Variants in TLK1 observed in about 807,000 individuals in gnomAD.
The protein encoded by TLK1 is serine/threonine-protein kinase tousled-like 1.
In TLK1, 24 loss-of-function variants were observed where a neutral mutation model predicts 105.3. The ratio of observed to expected loss-of-function variants is 0.23; its 90% CI spans 0.17 to 0.32. The LOEUF (loss-of-function observed/expected upper bound fraction) is 0.32, where lower values mean the gene tolerates loss of function less well. TLK1 is among the 10% of genes least tolerant of loss of function. The pLI is 1.00. For missense variants in TLK1, 558 were observed against 910.5 expected (o/e 0.61, Z 4.98); for synonymous variants, 321 against 310.4 (o/e 1.03, Z -0.36).
At chr2:171,161,936 A>G (rs1692512611), upstream of TLK1, among the ~76,000 whole-genome samples, 1 of 152,220 alleles carries the variant, frequency 6.6e-6, no homozygotes, top group Admixed American at 6.5e-5. Context: ...ATAGAGCACT[A>G]AAAAGATTAT....
At chr2:171,209,604 C>T (rs1693574249) in intron 1 of TLK1, among the ~76,000 whole-genome samples, 1 of 152,036 alleles carries the variant, frequency 6.6e-6, no homozygotes, top group Non-Finnish European at 1.5e-5. Context: ...GTCCTAATTC[C>T]CATATCTCAT....
chr2:170,996,322 T>C (rs1293796127), intron 20 of TLK1, among the ~76,000 whole-genome samples: 3 of 152,220 alleles, frequency 2.0e-5, no homozygotes, highest in African/African-American at 7.2e-5. Flanking sequence ...TAATATTTCT[T>C]ATATACTTAT....
intron 1 of TLK1, among the ~76,000 whole-genome samples, chr2:171,192,994 T>C (rs1036658730): frequency 6.6e-6 from 1 of 152,236 alleles, no homozygotes; most frequent in Admixed American, 6.5e-5. Flanking sequence ...TTTTAGTTTT[T>C]AGTTACAGAA....
intron 13 of TLK1, 88 bp from the exon 14 acceptor site, chr2:171,011,542 C>T: frequency 9.5e-7 from 1 of 1,055,788 alleles, no homozygotes. Context: ...TATTCTATTC[C>T]TAGCTATTTA....
chr2:171,176,235 C>G (rs796397400), intron 1 of TLK1, among the ~76,000 whole-genome samples: 3 of 152,216 alleles, frequency 2.0e-5, no homozygotes, highest in Admixed American at 6.5e-5. Flanking sequence ...CCACTGTGCC[C>G]GGCCGGGATA....
At chr2:171,225,696 A>AT (rs1693885345) in intron 1 of TLK1, among the ~76,000 whole-genome samples, 1 of 152,220 alleles carries the variant, frequency 6.6e-6, no homozygotes, top group Non-Finnish European at 1.5e-5. Flanking sequence ...ATGTTCATAC[A>AT]TTATTACTTA....
chr2:170,993,668 TAAA>T lies in TLK1; in HGVS notation c.*109_*111del, dbSNP rs71008739. ...AAACAGTTCTTAACCACGTCTTGTG[TAAA>T]AAAAAAAAAAAAAAAAAAAGAAAAA... On this transcript the variant is annotated 3_prime_UTR_variant, in exon 21 of 21. Transcript: ENST00000431350. 95,944 of 428,676 alleles carry T rather than the reference TAAA, an allele frequency of 0.22. 3,257 individuals carry two copies. The highest frequency in any genetic ancestry group is 0.25 in the Non-Finnish European group (75,125 of 297,118). 26.6% of individuals were successfully genotyped at this position (428,676 alleles called of 1,614,324 possible). A position where few individuals can be genotyped will look rare whatever the true frequency, so the allele number is the denominator to read the frequency against.
At chr2:171,114,705 C>A (rs1037878771) in intron 2 of TLK1, among the ~76,000 whole-genome samples, 3 of 152,110 alleles carry the variant, frequency 2.0e-5, no homozygotes, top group African/African-American at 7.2e-5. Flanking sequence ...CACGGTGGCA[C>A]GCACCTGTAC....
At chr2:171,135,977 T>C (rs545546907) in intron 1 of TLK1, among the ~76,000 whole-genome samples, 7 of 152,156 alleles carry the variant, frequency 4.6e-5, no homozygotes, top group South Asian at 2.1e-4. Context: ...TACAGCTAGA[T>C]AGAAAATAGA....
chr2:171,044,121 G>GA (rs879510211), intron 11 of TLK1, among the ~76,000 whole-genome samples: 36 of 152,214 alleles, frequency 2.4e-4, no homozygotes, highest in Admixed American at 6.5e-4. Flanking sequence ...AATGGATTAA[G>GA]AAAAAATCAA....
rs1683768398 is a variant in TLK1 at position 170,991,225 on chromosome 2, T to TC, written c.*2554dup. On this transcript the variant is annotated 3_prime_UTR_variant, in exon 21 of 21. Coordinates refer to ENST00000431350, the MANE Select transcript of TLK1 (RefSeq NM_012290.5). ...AATAAAAGAGAGGCCTTGGCTATCA[T>TC]CTTAGGGATGCAGGACATGCTTTAA... is the stretch of plus-strand genomic sequence containing the variant. The TC allele has an allele frequency of 6.6e-6, 1 of 152,110 alleles. No homozygotes were observed. Among genetic ancestry groups the TC allele is most frequent in the Admixed American group, 6.5e-5 (1 of 15,270 alleles). 9.4% of individuals were successfully genotyped at this position (152,110 alleles called of 1,614,324 possible).
intron 18 of TLK1, 97 bp from the exon 19 acceptor site, chr2:170,997,920 T>C (rs978682729): frequency 4.5e-6 from 3 of 663,106 alleles, no homozygotes; most frequent in Admixed American, 5.1e-5. Flanking sequence ...TTTATTCATA[T>C]ATAAACTCTA....
At chr2:171,230,360 G>A (rs1419668488) in intron 1 of TLK1, among the ~76,000 whole-genome samples, 2 of 152,126 alleles carry the variant, frequency 1.3e-5, no homozygotes, top group Non-Finnish European at 2.9e-5. Flanking sequence ...CCAAAGATAA[G>A]ATCTGTGACA....
At position 171,006,806 on chromosome 2, in the gene TLK1, G is replaced by A. The variant is rs1165485213; in HGVS notation, c.1592C>T (p.Thr531Ile). ...AACCTTAATATTCACTTACGTATCT[G>A]TATCCAAGGAGAAATAATCATAGAG... ...VKLYDYFSLD[T>I]DTFCTVLEYC... Residue 531 changes from threonine to isoleucine, a missense_variant, in exon 16 of 21, where the codon ACA becomes ATA. Thr to Ile is a moderately conservative substitution (Grantham distance 89). Around this residue, in one of 5 missense-constraint regions of TLK1, gnomAD observed 218 missense variants for 492.9 expected, o/e 0.44. Coordinates refer to ENST00000431350, the MANE Select transcript of TLK1 (RefSeq NM_012290.5). The A allele has an allele frequency of 6.2e-7, 1 of 1,611,968 alleles. No individual in the cohort carries two copies. The highest frequency in any genetic ancestry group is 1.3e-5 in the African/African-American group (1 of 74,962).
chr2:171,183,697 T>C (rs1272322889), intron 1 of TLK1, among the ~76,000 whole-genome samples: 1 of 152,230 alleles, frequency 6.6e-6, no homozygotes, highest in Non-Finnish European at 1.5e-5. Flanking sequence ...CTGTCAATAG[T>C]TTAATTGATG....
chr2:171,001,188 A>T (rs536616316), intron 18 of TLK1, among the ~76,000 whole-genome samples: 3 of 152,198 alleles, frequency 2.0e-5, no homozygotes, highest in Non-Finnish European at 4.4e-5. Flanking sequence ...TCAGTGGTGT[A>T]ATCCTTCCAG....
At chr2:171,086,281 A>C (rs1386421575) in intron 2 of TLK1, among the ~76,000 whole-genome samples, 1 of 152,230 alleles carries the variant, frequency 6.6e-6, no homozygotes, top group African/African-American at 2.4e-5. Flanking sequence ...TAAAAAAGCC[A>C]CTACCTGAAC....
chr2:171,102,834 A>G (rs1433419016), intron 2 of TLK1, among the ~76,000 whole-genome samples: 1 of 152,242 alleles, frequency 6.6e-6, no homozygotes, highest in Non-Finnish European at 1.5e-5. Flanking sequence ...AGCAGTGAAA[A>G]AAACAGACTG....
chr2:171,113,101 C>T (rs13401706), intron 2 of TLK1, among the ~76,000 whole-genome samples: 59,957 of 151,784 alleles, frequency 0.4, 13,340 homozygotes, highest in African/African-American at 0.59. Flanking sequence ...AAGTCAACCC[C>T]AGAAAAAGAG....
Sources: allele counts gnomAD v4.1 joint callset (sites outside exome capture counted in the v4.1 genomes callset), GRCh38; gene constraint gnomAD v4.1.1; regional missense constraint gnomAD v4.1.1; transcripts MANE v1.5; gene names NCBI Gene and HGNC (gene_info 2026-07-23, HGNC 2026-07-21).